The following MAP1B variants were observed in gnomAD, a reference collection of about 807,000 sequenced individuals.
MAP1B encodes microtubule-associated protein 1B.
A neutral mutation model predicts 176.1 loss-of-function variants in MAP1B; 12 were observed. The ratio of observed to expected loss-of-function variants is 0.07; its 90% CI spans 0.04 to 0.11. The LOEUF (loss-of-function observed/expected upper bound fraction) is 0.11. MAP1B is among the 10% of genes least tolerant of loss of function. The probability of loss-of-function intolerance (pLI) is 1.00; values close to 1 mark genes in which losing one functional copy is unlikely to be tolerated. For synonymous variants in MAP1B, 1,044 were observed against 1,135.0 expected (o/e 0.92, Z 1.61); for missense variants, 2,523 against 2,990.5 (o/e 0.84, Z 3.65).
intron 2 of MAP1B, among the ~76,000 whole-genome samples, chr5:72,179,031 CAA>C (rs1194597788): frequency 6.6e-6 from 1 of 152,130 alleles, no homozygotes; most frequent in Non-Finnish European, 1.5e-5. Flanking sequence ...AGAGCACAAA[CAA>C]AAGTCTCATT....
intron 4 of MAP1B, among the ~76,000 whole-genome samples, chr5:72,189,466 C>G (rs1746979723): frequency 1.3e-5 from 2 of 152,272 alleles, no homozygotes; most frequent in East Asian, 3.9e-4. Context: ...TCAGATTAAT[C>G]ATCTTCAGTT....
rs200457818 is a variant in MAP1B, at chr5:72,194,331, C to T, written c.976C>T (p.Arg326Trp). The T allele has an allele frequency of 6.8e-6, 11 of 1,614,162 alleles. No individual in the cohort carries two copies. The highest frequency in any genetic ancestry group is 2.2e-5 in the East Asian group (1 of 44,888). ...NLPGINSMLQ[R>W]KIAELEEEQS... The stretch of plus-strand genomic sequence containing the variant: ...GCCTGGAATAAACAGCATGTTACAG[C>T]GGAAAATTGCAGAGCTCGAGGAAGA... Residue 326 changes from arginine (R) to tryptophan (W), a missense_variant, in exon 5 of 7, where the codon CGG (arginine) becomes TGG (tryptophan). Transcript: ENST00000296755. The surrounding 1 kb of genome is among the most constrained non-coding windows in gnomAD (Gnocchi z 7.2).
intron 2 of MAP1B, among the ~76,000 whole-genome samples, chr5:72,169,058 A>G (rs1433138956): frequency 1.3e-5 from 2 of 152,220 alleles, no homozygotes; most frequent in African/African-American, 4.8e-5. Flanking sequence ...ACCTTCAGCA[A>G]AAAATATGGT....
At chr5:72,178,447 C>T (rs10055619) in intron 2 of MAP1B, among the ~76,000 whole-genome samples, 27,156 of 152,222 alleles carry the variant, frequency 0.18, 2,885 homozygotes, top group African/African-American at 0.3. Flanking sequence ...TTGTAAGTTA[C>T]TCCAGTGTTG....
At chr5:72,183,347 C>T (rs1160174125) in intron 2 of MAP1B, among the ~76,000 whole-genome samples, 1 of 152,208 alleles carries the variant, frequency 6.6e-6, no homozygotes, top group Non-Finnish European at 1.5e-5. Context: ...CAGTGCAGTT[C>T]TCACCAGAAG....
chr5:72,131,221 TG>T (rs1745727723), intron 2 of MAP1B, among the ~76,000 whole-genome samples: 1 of 152,162 alleles, frequency 6.6e-6, no homozygotes, highest in Non-Finnish European at 1.5e-5. Flanking sequence ...GAAACTGATG[TG>T]GTAAGGGGTA....
rs1197801944 is a variant in MAP1B, at chr5:72,198,476, G to A, written c.5121G>A (p.Glu1707=). 1.9e-6 allele frequency: 3 copies of A among 1,613,762 alleles called. No homozygotes were observed. Among genetic ancestry groups the A allele is most frequent in the Non-Finnish European group, 2.5e-6 (3 of 1,180,030 alleles). ...SSLSHKIPPM[E]EPSYTQDNDL... is the part of the protein sequence containing the mutation. ...TATCACATAAGATACCACCTATGGA[G>A]GAGCCGTCCTACACCCAAGATAATG... The change falls in exon 5 of 7, where the codon GAG becomes GAA. Residue 1707 remains glutamate (E), a synonymous_variant. Transcript: ENST00000296755.
At chr5:72,144,282 CT>C in intron 2 of MAP1B, among the ~76,000 whole-genome samples, 1 of 152,346 alleles carries the variant, frequency 6.6e-6, no homozygotes, top group Admixed American at 6.5e-5. Context: ...GATCCCGAAT[CT>C]TCCCTAAGGA....
At chr5:72,130,500 A>T (rs1745711925) in intron 2 of MAP1B, among the ~76,000 whole-genome samples, 1 of 152,248 alleles carries the variant, frequency 6.6e-6, no homozygotes. Context: ...AATAAACTGC[A>T]TAAGAAATCT....
chr5:72,177,025 G>A (rs183536956), intron 2 of MAP1B, among the ~76,000 whole-genome samples: 94 of 152,300 alleles, frequency 6.2e-4, no homozygotes, highest in African/African-American at 2.0e-3. Flanking sequence ...TGTTTTCTGT[G>A]CTGATGCTAT....
intron 2 of MAP1B, among the ~76,000 whole-genome samples, chr5:72,128,638 TTTTTA>T (rs1404785640): frequency 6.6e-6 from 1 of 152,058 alleles, no homozygotes; most frequent in Non-Finnish European, 1.5e-5. Flanking sequence ...GAAAACATAA[TTTTTA>T]TTTTATTTTA....
chr5:72,146,187 G>C (rs1267578090), intron 2 of MAP1B, among the ~76,000 whole-genome samples: 2 of 152,178 alleles, frequency 1.3e-5, no homozygotes, highest in African/African-American at 4.8e-5. Flanking sequence ...ATTTATTCCA[G>C]CCCAGCATGA....
chr5:72,157,293 T>G (rs1746244661), intron 2 of MAP1B, among the ~76,000 whole-genome samples: 1 of 152,222 alleles, frequency 6.6e-6, no homozygotes, highest in African/African-American at 2.4e-5. Context: ...GCCCTGTAAG[T>G]GCATAAAGTA....
chr5:72,170,509 T>C (rs1168098508), intron 2 of MAP1B, among the ~76,000 whole-genome samples: 1 of 152,152 alleles, frequency 6.6e-6, no homozygotes, highest in African/African-American at 2.4e-5. Flanking sequence ...AAAGGTTTAG[T>C]TGGAGAAAGT....
chr5:72,109,204 A>G (rs969832988), intron 1 of MAP1B, among the ~76,000 whole-genome samples: 3 of 151,932 alleles, frequency 2.0e-5, no homozygotes, highest in Non-Finnish European at 4.4e-5. Context: ...CTTTTGTTTA[A>G]CTTTAAAGCA....
At chr5:72,200,391 GGATATATGTC>G (rs777130388) in intron 5 of MAP1B, 24 bp downstream of exon 5, 1 of 1,604,698 alleles carries the variant, frequency 6.2e-7, no homozygotes. Context: ...GCTGGGCATT[GGATATATGTC>G]ACAACCATTC....
chr5:72,197,184 G>C lies in MAP1B; in HGVS notation c.3829G>C (p.Val1277Leu). The change falls in exon 5 of 7, where the codon GTG becomes CTG. Residue 1277 changes from valine to leucine, a missense_variant. Coordinates refer to ENST00000296755, the MANE Select transcript of MAP1B (RefSeq NM_005909.5). ...AAAGACCCCCCTGGGTGAACGTAGT[G>C]TGAACTTCTCTCTGACGCCCAATGA... Reference protein sequence around the residue: ...LEKTPLGERSVNFSLTPNEIK... With the variant: ...LEKTPLGERSLNFSLTPNEIK... The C allele has an allele frequency of 6.2e-7, 1 of 1,614,236 alleles. No individual in the cohort carries two copies. The highest frequency in any genetic ancestry group is 1.1e-5 in the South Asian group (1 of 91,080).
In MAP1B at chr5:72,115,911, T is replaced by A; in HGVS notation, c.286+112T>A. 4.1e-6 allele frequency: 3 copies of A among 729,620 alleles called. No individual in the cohort carries two copies. The South Asian group carries it at 4.7e-5, about 11-fold the overall frequency. The allele number at this position is 729,620 out of a possible 1,614,324, so 45.2% of individuals were successfully genotyped here. A position where few individuals can be genotyped will look rare whatever the true frequency, so the allele number is the denominator to read the frequency against. On this transcript the variant is annotated intron_variant, in intron 2 of 6. Transcript: ENST00000296755. ...CTCTCTTATTGCTAAAAGGATACTT[T>A]GTATTTGTTATTATCAACTAGGTTA...
intron 2 of MAP1B, among the ~76,000 whole-genome samples, chr5:72,155,085 C>T (rs56104212): frequency 0.12 from 18,357 of 152,246 alleles, 1,159 homozygotes; most frequent in African/African-American, 0.15. Context: ...TGTCCTTACA[C>T]ACTGTGTCCA....
Sources: allele counts gnomAD v4.1 joint callset (sites outside exome capture counted in the v4.1 genomes callset), GRCh38; gene constraint gnomAD v4.1.1; non-coding constraint Gnocchi (gnomAD v3.1); transcripts MANE v1.5; gene names NCBI Gene and HGNC (gene_info 2026-07-23, HGNC 2026-07-21).